TBC1D24: variants seen among roughly 807,000 people sequenced by gnomAD.
TBC1D24 encodes the protein Infantile myoclonic epilepsy.
TBC1D24 carries 47 observed loss-of-function variants against 50.7 expected under a neutral mutation model. The ratio of observed to expected loss-of-function variants is 0.93; its 90% confidence interval spans 0.73 to 1.18. The LOEUF (loss-of-function observed/expected upper bound fraction) is 1.18, where lower values mean the gene tolerates loss of function less well. Among genes scored for constraint, TBC1D24 ranks in the 50% most tolerant of loss-of-function variants. The pLI is 0.00. For synonymous variants in TBC1D24, 324 were observed against 335.2 expected (o/e 0.97, Z 0.36); for missense variants, 688 against 766.5 (o/e 0.90, Z 1.21).
intron 1 of TBC1D24, among the ~76,000 whole-genome samples, chr16:2,493,224 C>T (rs1468904783): frequency 6.6e-6 from 1 of 151,826 alleles, no homozygotes; most frequent in African/African-American, 2.4e-5. Flanking sequence ...CTGCAATCTC[C>T]GCCTCCCAGG....
Position 2,499,983 on chromosome 16 carries a change from C to T in TBC1D24, c.1302+53C>T. 1 of 1,523,018 alleles carries T rather than the reference C, an allele frequency of 6.6e-7. No homozygotes were observed. Among genetic ancestry groups the T allele is most frequent in the Non-Finnish European group, 9.1e-7 (1 of 1,097,490 alleles). 94.3% of individuals were successfully genotyped at this position (1,523,018 alleles called of 1,614,324 possible). A position where few individuals can be genotyped will look rare whatever the true frequency, so the allele number is the denominator to read the frequency against. ...CCCACGCAGACCCTGTAGCTGCATC[C>T]CTCCAGGAGCACCCGCCTGCCCTGG... On this transcript the variant is annotated intron_variant, in intron 6 of 7. Transcript: ENST00000646147. This position sits in a 1 kb window ranked among gnomAD's most constrained non-coding sequence, Gnocchi z 4.0.
chr16:2,500,553 C>T lies in TBC1D24; in HGVS notation c.1525+63C>T. On this transcript the variant is annotated intron_variant, in intron 7 of 7. Coordinates refer to ENST00000646147, the MANE Select transcript of TBC1D24 (RefSeq NM_001199107.2). This position sits in a 1 kb window ranked among gnomAD's most constrained non-coding sequence, Gnocchi z 8.0. ...GGGGTCCGGGCAGCTGAAGCTGCTG[C>T]ACCCAGCCCTCCCTGACCGGGGTGG... The T allele has an allele frequency of 2.0e-6, 3 of 1,486,260 alleles. No individual in the cohort carries two copies. The highest frequency in any genetic ancestry group is 1.2e-5 in the South Asian group (1 of 81,780). The allele number at this position is 1,486,260 out of a possible 1,614,324, so 92.1% of individuals were successfully genotyped here.
intron 1 of TBC1D24, among the ~76,000 whole-genome samples, chr16:2,494,519 T>A (rs2065721717): frequency 6.6e-6 from 1 of 152,086 alleles, no homozygotes; most frequent in South Asian, 2.1e-4. Flanking sequence ...GGGTGGTGTT[T>A]AGGAGCCTGG....
Position 2,501,044 on chromosome 16 carries a change from C to A in TBC1D24, c.*86C>A, listed in dbSNP as rs372169217. The A allele has an allele frequency of 1.2e-5, 18 of 1,550,448 alleles. No homozygotes were observed. The East Asian group carries it at 1.6e-4, about 14-fold the overall frequency. On this transcript the variant is annotated 3_prime_UTR_variant, in exon 8 of 8. Transcript: ENST00000646147. ...TCGGGCAGCAGAGAGCAGATGAAACCCCCATGTGGTAGGCAGGGTTGGGGG... is the reference window on the plus strand; with the variant it reads ...TCGGGCAGCAGAGAGCAGATGAAACACCCATGTGGTAGGCAGGGTTGGGGG...
In TBC1D24 at chr16:2,503,985, C is replaced by A. The variant is rs1293899759; in HGVS notation, c.*3027C>A. 6.6e-6 allele frequency: 1 copy of A among 152,084 alleles called. No individual in the cohort carries two copies. Among genetic ancestry groups the A allele is most frequent in the Non-Finnish European group, 1.5e-5 (1 of 68,024 alleles). 9.4% of individuals were successfully genotyped at this position (152,084 alleles called of 1,614,324 possible). ...TGAATTCATTAAAGCAGATTATATG[C>A]CTTTGGGGCTTCAGAAAATCAGTTT... On this transcript the variant is annotated 3_prime_UTR_variant, in exon 8 of 8. Coordinates refer to ENST00000646147, the MANE Select transcript of TBC1D24 (RefSeq NM_001199107.2).
chr16:2,504,156 G>T lies in TBC1D24; in HGVS notation c.*3198G>T. On this transcript the variant is annotated 3_prime_UTR_variant, in exon 8 of 8. Coordinates refer to ENST00000646147, the MANE Select transcript of TBC1D24 (RefSeq NM_001199107.2). ...AGTGGAATTTGTTTTAAAACGTTTT[G>T]AAGATTTCAGAGGCCTTCATATTTC... The T allele has an allele frequency of 6.6e-6, 1 of 152,152 alleles. No individual in the cohort carries two copies. Among genetic ancestry groups the T allele is most frequent in the Non-Finnish European group, 1.5e-5 (1 of 67,990 alleles). The allele number at this position is 152,152 out of a possible 1,614,324, so 9.4% of individuals were successfully genotyped here. A position where few individuals can be genotyped will look rare whatever the true frequency, so the allele number is the denominator to read the frequency against.
Position 2,500,235 on chromosome 16 carries a change from G to A in TBC1D24, c.1303-33G>A, listed in dbSNP as rs750793308. 47 of 1,550,046 alleles carry A rather than the reference G, an allele frequency of 3.0e-5. 1 individual carries two copies. The highest frequency in any genetic ancestry group is 2.1e-4 in the South Asian group (18 of 84,940). ...GGGGCAGAGGGGCCTGCGAACGCCCGCGCCAGCTCCTCACACTCCCCTTCC... is the reference window on the plus strand; with the variant it reads ...GGGGCAGAGGGGCCTGCGAACGCCCACGCCAGCTCCTCACACTCCCCTTCC... On this transcript the variant is annotated intron_variant, in intron 6 of 7. Transcript: ENST00000646147. The surrounding 1 kb of genome is among the most constrained non-coding windows in gnomAD (Gnocchi z 8.0).
rs1596955257 is a variant in TBC1D24, at chr16:2,482,580, G to C, written c.-116+7410G>C. Among the ~76,000 whole-genome samples, 1 of 152,176 alleles carries C rather than the reference G, an allele frequency of 6.6e-6. No homozygotes were observed. Among genetic ancestry groups the C allele is most frequent in the Admixed American group, 6.5e-5 (1 of 15,274 alleles). ...GCAGGGAGGGGCTGGGTCCTGAAGG[G>C]CGGGGGACACCAGGAGAGGGTTTCG... is the stretch of plus-strand genomic sequence containing the variant. On this transcript the variant is annotated intron_variant, in intron 1 of 7. Coordinates refer to ENST00000646147, the MANE Select transcript of TBC1D24 (RefSeq NM_001199107.2). This position sits in a 1 kb window ranked among gnomAD's most constrained non-coding sequence, Gnocchi z 5.2.
rs187212053 is a variant in TBC1D24, at chr16:2,487,937, A to T, written c.-115-8097A>T. Among the ~76,000 whole-genome samples, 1 of 152,248 alleles carries T rather than the reference A, an allele frequency of 6.6e-6. No homozygotes were observed. Among genetic ancestry groups the T allele is most frequent in the African/African-American group, 2.4e-5 (1 of 41,560 alleles). ...AGATGGAGCAGCAACAGCAGCCAGC[A>T]GCTGTGGGGTTGTGTTCCGCCCCGA... On this transcript the variant is annotated intron_variant, in intron 1 of 7. Transcript: ENST00000646147. The surrounding 1 kb of genome is among the most constrained non-coding windows in gnomAD (Gnocchi z 4.1).
chr16:2,498,511 G>T, intron 4 of TBC1D24, 115 bp downstream of exon 4: 1 of 1,007,096 alleles, frequency 9.9e-7, no homozygotes, highest in South Asian at 1.6e-5. Context: ...GCTTCTTCCT[G>T]TGGGGCCTAA....
chr16:2,490,274 CAGG>C (rs1348718477), intron 1 of TBC1D24, among the ~76,000 whole-genome samples: 1 of 152,208 alleles, frequency 6.6e-6, no homozygotes, highest in Non-Finnish European at 1.5e-5. Flanking sequence ...GGACCAAAGA[CAGG>C]AGGAGTGCTT....
At position 2,503,340 on chromosome 16, in the gene TBC1D24, G is replaced by A. The variant is rs925567713; in HGVS notation, c.*2382G>A. 1 of 151,974 alleles carries A rather than the reference G, an allele frequency of 6.6e-6. No individual in the cohort carries two copies. Among genetic ancestry groups the A allele is most frequent in the Admixed American group, 6.6e-5 (1 of 15,262 alleles). 9.4% of individuals were successfully genotyped at this position (151,974 alleles called of 1,614,324 possible). A position where few individuals can be genotyped will look rare whatever the true frequency, so the allele number is the denominator to read the frequency against. ...CTTTTTTATTCTTATCACTGTACTT[G>A]TTAGTATCTGATATTAGGTATTCCC... On this transcript the variant is annotated 3_prime_UTR_variant, in exon 8 of 8. Transcript: ENST00000646147.
rs775974908 is a variant in TBC1D24 at position 2,500,774 on chromosome 16, C to G, written c.1526-30C>G. On this transcript the variant is annotated intron_variant, in intron 7 of 7. Coordinates refer to ENST00000646147, the MANE Select transcript of TBC1D24 (RefSeq NM_001199107.2). The surrounding 1 kb of genome is among the most constrained non-coding windows in gnomAD (Gnocchi z 8.0). Reference sequence around the variant, plus strand: ...CCTGGGTCAGTGCTGATAGGGCAGTCAGGCCGCCACTGACCTGAGCATCCT... The same window carrying G: ...CCTGGGTCAGTGCTGATAGGGCAGTGAGGCCGCCACTGACCTGAGCATCCT... The G allele has an allele frequency of 8.8e-6, 14 of 1,587,836 alleles. No individual in the cohort carries two copies. The highest frequency in any genetic ancestry group is 8.6e-5 in the Admixed American group (5 of 58,250).
chr16:2,476,696 G>A (rs2141849585), intron 1 of TBC1D24: 1 of 152,424 alleles, frequency 6.6e-6, no homozygotes, highest in South Asian at 2.1e-4. Context: ...CTACATGATG[G>A]TTGAAGTGGA....
chr16:2,497,658 T>G, intron 2 of TBC1D24, 52 bp from the exon 3 acceptor site: 2 of 1,521,942 alleles, frequency 1.3e-6, no homozygotes, highest in Non-Finnish European at 1.8e-6. Context: ...TAACCTCTCT[T>G]TGTCTGTTTT....
rs373914077 is a variant in TBC1D24, at chr16:2,496,326, C to T, written c.178C>T (p.Arg60Trp). Reference protein sequence around the residue: ...LRGKVYQRLIRDIPCRTVTPD... With the variant: ...LRGKVYQRLIWDIPCRTVTPD... ...GGGAAAGGTGTACCAGCGCCTGATC[C>T]GGGACATTCCCTGCCGCACGGTCAC... The change falls in exon 2 of 8, where the codon CGG becomes TGG. Residue 60 changes from arginine (R) to tryptophan (W), a missense_variant. By Grantham distance (101) the Arg-to-Trp change is moderately radical. Transcript: ENST00000646147. 1.6e-4 allele frequency: 253 copies of T among 1,613,588 alleles called. 1 individual carries two copies. Among genetic ancestry groups the T allele is most frequent in the Middle Eastern group, 9.9e-4 (6 of 6,062 alleles).
Position 2,500,359 on chromosome 16 carries a change from C to T in TBC1D24, c.1394C>T (p.Ala465Val). 6.2e-7 allele frequency: 1 copy of T among 1,609,386 alleles called. No individual in the cohort carries two copies. The highest frequency in any genetic ancestry group is 8.5e-7 in the Non-Finnish European group (1 of 1,178,536). ...PPPLMAAEPT[A>V]PLSHSASSDP... ...CCCTTGATGGCTGCCGAGCCCACCG[C>T]CCCACTCAGCCACTCCGCCTCCTCA... is the stretch of plus-strand genomic sequence containing the variant. The change falls in exon 7 of 8, where the codon GCC (alanine) becomes GTC (valine). Residue 465 changes from alanine (A) to valine (V), a missense_variant. Coordinates refer to ENST00000646147, the MANE Select transcript of TBC1D24 (RefSeq NM_001199107.2). The surrounding 1 kb of genome is among the most constrained non-coding windows in gnomAD (Gnocchi z 8.0).
At chr16:2,497,449 G>A (rs1291202049) in intron 2 of TBC1D24, among the ~76,000 whole-genome samples, 1 of 152,224 alleles carries the variant, frequency 6.6e-6, no homozygotes, top group Non-Finnish European at 1.5e-5. Flanking sequence ...GGGCTCCGTG[G>A]CTGGTCTCTG....
rs911537006 is a variant in TBC1D24 at position 2,486,543 on chromosome 16, A to T, written c.-115-9491A>T. Reference sequence around the variant, plus strand: ...GTCAGGCCAGGGCAGGATGGGGCCCAGGCCTGCAACCCCAGCTCTTCAACC... The same window carrying T: ...GTCAGGCCAGGGCAGGATGGGGCCCTGGCCTGCAACCCCAGCTCTTCAACC... On this transcript the variant is annotated intron_variant, in intron 1 of 7. Transcript: ENST00000646147. The surrounding 1 kb of genome is among the most constrained non-coding windows in gnomAD (Gnocchi z 5.8). 6.6e-6 allele frequency among the ~76,000 whole-genome samples: 1 copy of T among 152,148 alleles called. No homozygotes were observed. Among genetic ancestry groups the T allele is most frequent in the Non-Finnish European group, 1.5e-5 (1 of 68,006 alleles).
Sources: gnomAD v4.1 joint callset for allele counts (sites outside exome capture counted in the v4.1 genomes callset) on GRCh38, gnomAD v4.1.1 for gene constraint, Gnocchi (gnomAD v3.1) non-coding constraint, MANE v1.5 for transcripts, NCBI Gene and HGNC (gene_info 2026-07-23, HGNC 2026-07-21) for gene names.